The following ZSWIM5 variants were observed in gnomAD, a reference collection of about 807,000 sequenced individuals.
ZSWIM5 encodes zinc finger SWIM-type containing 5.
In ZSWIM5, 55 loss-of-function variants were observed where a neutral mutation model predicts 119.6. The ratio of observed to expected loss-of-function variants is 0.46; its 90% CI spans 0.37 to 0.58. The LOEUF (loss-of-function observed/expected upper bound fraction) is 0.58, where lower values mean the gene tolerates loss of function less well. Ranked by LOEUF, ZSWIM5 falls within the 20% of genes least tolerant of loss-of-function variation. ZSWIM5 has a pLI of 0.00. For synonymous variants in ZSWIM5, 537 were observed against 606.9 expected, an observed-to-expected ratio of 0.88 and a Z score of 1.69; for missense variants, 1,193 against 1,512.8, an observed-to-expected ratio of 0.79 and a Z score of 3.51.
chr1:45,039,586 T>G (rs1645007008), intron 7 of ZSWIM5, among the ~76,000 whole-genome samples: 1 of 152,192 alleles, frequency 6.6e-6, no homozygotes, highest in Non-Finnish European at 1.5e-5. Flanking sequence ...GGTTTCACTA[T>G]GTTGGCCAGG....
rs959088159 is a variant in ZSWIM5 at position 45,181,199 on chromosome 1, G to A, written c.595+24557C>T. On this transcript the variant is annotated intron_variant, in intron 1 of 13. Coordinates refer to ENST00000359600, the MANE Select transcript of ZSWIM5 (RefSeq NM_020883.2). ...TGAAAACCTTGAAAAAAATTTAGACGAATGAATAACTAGAATAACCAATAC... is the reference window on the plus strand; with the variant it reads ...TGAAAACCTTGAAAAAAATTTAGACAAATGAATAACTAGAATAACCAATAC... 3.9e-4 allele frequency among the ~76,000 whole-genome samples: 59 copies of A among 152,148 alleles called. 2 individuals are homozygous for A. Among genetic ancestry groups the A allele is most frequent in the African/African-American group, 1.3e-3 (52 of 41,514 alleles).
chr1:45,168,360 T>C (rs1386166078), intron 1 of ZSWIM5, among the ~76,000 whole-genome samples: 3 of 151,810 alleles, frequency 2.0e-5, no homozygotes, highest in South Asian at 2.1e-4. Flanking sequence ...AGGGATAACA[T>C]TAGGAGATAT....
At chr1:45,191,133 A>G (rs889002736) in intron 1 of ZSWIM5, among the ~76,000 whole-genome samples, 13 of 150,016 alleles carry the variant, frequency 8.7e-5, no homozygotes, top group South Asian at 2.1e-4. Flanking sequence ...TTTTTAGTAG[A>G]GACCTCGTGA....
intron 1 of ZSWIM5, among the ~76,000 whole-genome samples, chr1:45,115,686 CAGA>C (rs1417482852): frequency 6.7e-6 from 1 of 149,816 alleles, no homozygotes; most frequent in Admixed American, 6.6e-5. Context: ...CCTCACATCC[CAGA>C]CGATGGGCGG....
At position 45,022,287 on chromosome 1, in the gene ZSWIM5, C is replaced by A. The variant is rs371390273; in HGVS notation, c.2450-1499G>T. On this transcript the variant is annotated intron_variant, in intron 11 of 13. Transcript: ENST00000359600. ...CTGAGACTACAGGCGCCCACCACCACGCCCGGCTAATTTTTTGCATTTTTA... is the reference window on the plus strand; with the variant it reads ...CTGAGACTACAGGCGCCCACCACCAAGCCCGGCTAATTTTTTGCATTTTTA... Among the ~76,000 whole-genome samples, 81 of 151,892 alleles carry A rather than the reference C, an allele frequency of 5.3e-4. 1 individual carries two copies. The highest frequency in any genetic ancestry group is 9.9e-4 in the Non-Finnish European group (67 of 67,954).
chr1:45,076,844 A>G (rs1046585396), intron 2 of ZSWIM5, among the ~76,000 whole-genome samples: 8 of 151,834 alleles, frequency 5.3e-5, no homozygotes, highest in Admixed American at 3.9e-4. Context: ...CCTGTCTTCA[A>G]GTTCACTAAT....
At chr1:45,070,767 T>C (rs753751874) in intron 2 of ZSWIM5, among the ~76,000 whole-genome samples, 1 of 152,232 alleles carries the variant, frequency 6.6e-6, no homozygotes, top group Non-Finnish European at 1.5e-5. Context: ...CTTGCTAGTT[T>C]TTTTCCCATT....
At chr1:45,104,856 CTG>C (rs1268925652) in intron 1 of ZSWIM5, among the ~76,000 whole-genome samples, 5 of 152,222 alleles carry the variant, frequency 3.3e-5, no homozygotes, top group South Asian at 2.1e-4. Context: ...CCAGTGGTCT[CTG>C]TTCTCCATCT....
Position 45,057,825 on chromosome 1 carries a change from G to A in ZSWIM5, c.1252+784C>T, listed in dbSNP as rs1228635645. Among the ~76,000 whole-genome samples, 1 of 152,200 alleles carries A rather than the reference G, an allele frequency of 6.6e-6. No homozygotes were observed. The highest frequency in any genetic ancestry group is 1.5e-5 in the Non-Finnish European group (1 of 68,034). ...ATGAGGGAGAACCTAGAACAGTGAG[G>A]CCATTAGAAGGTCACAGTTCTAATC... On this transcript the variant is annotated intron_variant, in intron 4 of 13. Transcript: ENST00000359600. The surrounding 1 kb of genome is among the most constrained non-coding windows in gnomAD (Gnocchi z 4.7).
rs1380820666 is a variant in ZSWIM5, at chr1:45,019,773, T to C, written c.2695+293A>G. Among the ~76,000 whole-genome samples the C allele has an allele frequency of 2.0e-5, 3 of 152,112 alleles. No homozygotes were observed. The East Asian group carries it at 5.8e-4, about 29-fold the overall frequency. On this transcript the variant is annotated intron_variant, in intron 13 of 13. Coordinates refer to ENST00000359600, the MANE Select transcript of ZSWIM5 (RefSeq NM_020883.2). The surrounding 1 kb of genome is among the most constrained non-coding windows in gnomAD (Gnocchi z 5.0). Reference sequence around the variant, plus strand: ...GGACCAAACCACTGGGCCCACTACCTCCCAAGGGAGCACTTGAGTAGCAAC... The same window carrying C: ...GGACCAAACCACTGGGCCCACTACCCCCCAAGGGAGCACTTGAGTAGCAAC...
chr1:45,020,523 AG>A, intron 12 of ZSWIM5, 101 bp downstream of exon 12: 1 of 1,352,782 alleles, frequency 7.4e-7, no homozygotes, highest in Non-Finnish European at 1.0e-6. Flanking sequence ...CCAAAGGAAG[AG>A]CCAGACTTGG....
intron 1 of ZSWIM5, among the ~76,000 whole-genome samples, chr1:45,119,333 T>C (rs1331042178): frequency 2.6e-5 from 4 of 152,230 alleles, no homozygotes; most frequent in African/African-American, 9.6e-5. Context: ...CATTGTATCA[T>C]AGAAGTCTCT....
chr1:45,204,370 T>G (rs765896383), intron 1 of ZSWIM5, among the ~76,000 whole-genome samples: 21 of 152,204 alleles, frequency 1.4e-4, no homozygotes, highest in Non-Finnish European at 2.8e-4. Context: ...CTGTACACCT[T>G]AATTACATAT....
At chr1:45,151,959 C>T (rs1465456221) in intron 1 of ZSWIM5, among the ~76,000 whole-genome samples, 3 of 152,168 alleles carry the variant, frequency 2.0e-5, no homozygotes, top group Admixed American at 2.0e-4. Flanking sequence ...TTGGTATCTA[C>T]CATGTGTCAG....
chr1:45,175,624 A>T lies in ZSWIM5; in HGVS notation c.595+30132T>A, dbSNP rs543604001. On this transcript the variant is annotated intron_variant, in intron 1 of 13. Transcript: ENST00000359600. ...CACCACCATGCCCGGCTAATTTTTT[A>T]AAATTTTTGTAGAGACGGTGTTTTG... is the stretch of plus-strand genomic sequence containing the variant. Among the ~76,000 whole-genome samples the T allele has an allele frequency of 1.6e-4, 25 of 151,858 alleles. No homozygotes were observed. The South Asian group carries it at 5.0e-3, about 30-fold the overall frequency.
Position 45,019,263 on chromosome 1 carries a change from T to A in ZSWIM5, c.2749A>T (p.Thr917Ser), listed in dbSNP as rs372992808. 2 of 1,613,644 alleles carry A rather than the reference T, an allele frequency of 1.2e-6. No homozygotes were observed. The highest frequency in any genetic ancestry group is 1.7e-6 in the Non-Finnish European group (2 of 1,179,976). Residue 917 changes from threonine (T) to serine (S), a missense_variant, in exon 14 of 14, where the codon ACT (threonine) becomes TCT (serine). This residue lies in a region of ZSWIM5 where 961 missense variants were observed against 1,290.0 expected (regional missense o/e 0.74). Transcript: ENST00000359600. This position sits in a 1 kb window ranked among gnomAD's most constrained non-coding sequence, Gnocchi z 5.0. ...LQSWYTLFTP[T>S]EATSIVAATA... ...GCAGCTACAATACTAGTAGCCTCAG[T>A]AGGGGTGAAGAGTGTGTACCAGCTC...
intron 2 of ZSWIM5, among the ~76,000 whole-genome samples, chr1:45,075,587 A>G (rs1057104317): frequency 6.6e-6 from 1 of 151,954 alleles, no homozygotes; most frequent in Non-Finnish European, 1.5e-5. Flanking sequence ...TTTTCAGTCT[A>G]TGTTTGTCTT....
At chr1:45,071,807 C>T (rs1645223910) in intron 2 of ZSWIM5, among the ~76,000 whole-genome samples, 1 of 152,124 alleles carries the variant, frequency 6.6e-6, no homozygotes, top group Admixed American at 6.6e-5. Flanking sequence ...TGTATAAGTA[C>T]CACATTTTCT....
At chr1:45,033,560 T>C (rs1486132051) in intron 11 of ZSWIM5, among the ~76,000 whole-genome samples, 2 of 151,884 alleles carry the variant, frequency 1.3e-5, no homozygotes, top group East Asian at 3.9e-4. Flanking sequence ...CTTAAAGGCC[T>C]GAGAATCACT....
Sources: gnomAD v4.1 joint callset for allele counts (sites outside exome capture counted in the v4.1 genomes callset) on GRCh38, gnomAD v4.1.1 for gene constraint, gnomAD v4.1.1 regional missense constraint, Gnocchi (gnomAD v3.1) non-coding constraint, MANE v1.5 for transcripts, NCBI Gene and HGNC (gene_info 2026-07-23, HGNC 2026-07-21) for gene names.